The following SPATA17 variants were observed in gnomAD, a reference collection of about 807,000 sequenced individuals.
The protein encoded by SPATA17 is spermatogenesis associated 17.
A neutral mutation model predicts 62.2 loss-of-function variants in SPATA17; 53 were observed. The observed-to-expected ratio is 0.85, with a 90% CI of 0.68 to 1.07. The LOEUF is 1.07. SPATA17 is among the 50% of genes least tolerant of loss of function. The pLI, the probability that SPATA17 is intolerant of heterozygous loss-of-function variation, is 0.00. For synonymous variants in SPATA17, 146 were observed against 146.8 expected, an observed-to-expected ratio of 0.99 and a Z score of 0.04; for missense variants, 466 against 425.5, an observed-to-expected ratio of 1.10 and a Z score of -0.84.
chr1:217,721,644 A>G (rs998807573), intron 5 of SPATA17, among the ~76,000 whole-genome samples: 3 of 152,158 alleles, frequency 2.0e-5, no homozygotes, highest in Admixed American at 1.3e-4. Flanking sequence ...TCATGATTCA[A>G]TCCTTGGCTC....
intron 3 of SPATA17, among the ~76,000 whole-genome samples, chr1:217,653,913 C>G (rs1333693744): frequency 1.3e-5 from 2 of 152,066 alleles, no homozygotes; most frequent in Non-Finnish European, 2.9e-5. Flanking sequence ...TTAATTTATA[C>G]CATTTTAATA....
chr1:217,702,405 A>G (rs141941518), intron 5 of SPATA17, among the ~76,000 whole-genome samples: 1 of 152,182 alleles, frequency 6.6e-6, no homozygotes, highest in African/African-American at 2.4e-5. Context: ...CCCATTTGGA[A>G]GGTATATAAT....
intron 5 of SPATA17, among the ~76,000 whole-genome samples, chr1:217,729,182 T>C (rs1672340497): frequency 6.6e-6 from 1 of 152,214 alleles, no homozygotes; most frequent in South Asian, 2.1e-4. Flanking sequence ...GGGTAATTAT[T>C]ACTGCCATAA....
At chr1:217,805,758 G>T (rs1029408774) in intron 9 of SPATA17, among the ~76,000 whole-genome samples, 6 of 152,180 alleles carry the variant, frequency 3.9e-5, no homozygotes, top group African/African-American at 1.2e-4. Context: ...CCTCACACAT[G>T]TTAGAATGGC....
chr1:217,793,215 G>GTTTTTTTTTTTTTTTTTTTTTTT lies in SPATA17; in HGVS notation c.873-8498_873-8497insTTTTTTTTTTTTTTTTTTTTTTT, dbSNP rs376041446. ...GAATTGCTTTAATGTTAGGGCAGTG[G>GTTTTTTTTTTTTTTTTTTTTTTT]TTTTTGTTTTTTTTTTTTTTTTTGA... On this transcript the variant is annotated intron_variant, in intron 8 of 10. Coordinates refer to ENST00000366933, the MANE Select transcript of SPATA17 (RefSeq NM_138796.4). 3.5e-5 allele frequency among the ~76,000 whole-genome samples: 4 copies of GTTTTTTTTTTTTTTTTTTTTTTT among 114,598 alleles called. 1 individual carries two copies. Among genetic ancestry groups the GTTTTTTTTTTTTTTTTTTTTTTT allele is most frequent in the Non-Finnish European group, 5.3e-5 (3 of 56,448 alleles). The allele number at this position is 114,598 out of a possible 152,430, so 75.2% of individuals were successfully genotyped here. A position where few individuals can be genotyped will look rare whatever the true frequency, so the allele number is the denominator to read the frequency against.
chr1:217,804,278 A>G (rs1674380836), intron 9 of SPATA17, among the ~76,000 whole-genome samples: 1 of 152,222 alleles, frequency 6.6e-6, no homozygotes, highest in African/African-American at 2.4e-5. Flanking sequence ...GATCTTTGAC[A>G]AAGGTCCCAA....
chr1:217,643,162 G>A (rs566308009), intron 1 of SPATA17, among the ~76,000 whole-genome samples: 36 of 152,182 alleles, frequency 2.4e-4, no homozygotes, highest in African/African-American at 7.7e-4. Flanking sequence ...AGCACAATAC[G>A]TTCATTCTAG....
intron 6 of SPATA17, among the ~76,000 whole-genome samples, chr1:217,756,323 G>T (rs1301733862): frequency 1.3e-5 from 2 of 150,114 alleles, no homozygotes; most frequent in Admixed American, 1.3e-4. Flanking sequence ...ATTTTTTGTG[G>T]TTTTTTTTTG....
chr1:217,783,482 G>A (rs547927891), intron 8 of SPATA17, among the ~76,000 whole-genome samples: 1 of 152,094 alleles, frequency 6.6e-6, no homozygotes, highest in South Asian at 2.1e-4. Flanking sequence ...AACATATGAT[G>A]AGTAAGAAAA....
At chr1:217,647,606 T>C (rs1469242992) in intron 1 of SPATA17, among the ~76,000 whole-genome samples, 3 of 152,196 alleles carry the variant, frequency 2.0e-5, no homozygotes, top group African/African-American at 7.2e-5. Flanking sequence ...AAAGGCCTAA[T>C]TGTAGTCTGG....
At chr1:217,767,521 T>C (rs953605749) in intron 6 of SPATA17, among the ~76,000 whole-genome samples, 4 of 152,190 alleles carry the variant, frequency 2.6e-5, no homozygotes, top group Non-Finnish European at 5.9e-5. Context: ...CTTTTGTATT[T>C]GTCCCACAGC....
chr1:217,809,718 T>C (rs1334757402), intron 9 of SPATA17, among the ~76,000 whole-genome samples: 1 of 152,112 alleles, frequency 6.6e-6, no homozygotes, highest in East Asian at 1.9e-4. Context: ...TCCCACTAGG[T>C]CCCACCTCCC....
chr1:217,749,328 T>TA (rs367909931), intron 6 of SPATA17, among the ~76,000 whole-genome samples: 24 of 152,328 alleles, frequency 1.6e-4, no homozygotes, highest in African/African-American at 2.6e-4. Flanking sequence ...CCTTGATACT[T>TA]ACGGTTGCCA....
At chr1:217,816,954 T>G (rs1674732824) in intron 9 of SPATA17, among the ~76,000 whole-genome samples, 1 of 152,082 alleles carries the variant, frequency 6.6e-6, no homozygotes, top group Admixed American at 6.6e-5. Context: ...TGTATCTAGT[T>G]TTCTCATAAC....
At chr1:217,682,355 C>A (rs1162442120) in intron 4 of SPATA17, among the ~76,000 whole-genome samples, 1 of 150,056 alleles carries the variant, frequency 6.7e-6, no homozygotes, top group African/African-American at 2.4e-5. Flanking sequence ...CCCTAACATT[C>A]CTCTCATCCA....
At chr1:217,854,868 G>A (rs1675746591) in intron 9 of SPATA17, among the ~76,000 whole-genome samples, 1 of 152,088 alleles carries the variant, frequency 6.6e-6, no homozygotes, top group Admixed American at 6.6e-5. Context: ...TTTCCCCAGG[G>A]CCACATCTGT....
chr1:217,799,215 T>C (rs1194424470), intron 8 of SPATA17, among the ~76,000 whole-genome samples: 1 of 152,182 alleles, frequency 6.6e-6, no homozygotes, highest in Non-Finnish European at 1.5e-5. Flanking sequence ...TGTATATATG[T>C]TACTTTCATG....
intron 4 of SPATA17, among the ~76,000 whole-genome samples, chr1:217,678,108 T>G (rs555655761): frequency 4.5e-4 from 68 of 152,192 alleles, no homozygotes; most frequent in African/African-American, 1.5e-3. Flanking sequence ...AATAACTGAG[T>G]TCTACTTCTG....
chr1:217,692,622 G>A (rs1439251801), intron 5 of SPATA17, among the ~76,000 whole-genome samples: 1 of 89,112 alleles, frequency 1.1e-5, no homozygotes, highest in Non-Finnish European at 2.1e-5. Context: ...GATATTGGCT[G>A]TGGGTTTGTC....
Sources: allele counts gnomAD v4.1 joint callset (sites outside exome capture counted in the v4.1 genomes callset), GRCh38; gene constraint gnomAD v4.1.1; transcripts MANE v1.5; gene names NCBI Gene and HGNC (gene_info 2026-07-23, HGNC 2026-07-21).